Variants in PABPC4L observed in about 807,000 individuals in gnomAD.
PABPC4L encodes polyadenylate-binding protein 4-like.
For synonymous variants in PABPC4L, 169 were observed against 164.1 expected (o/e 1.03, Z -0.23); for missense variants, 452 against 451.4 (o/e 1.00, Z -0.01).
At chr4:133,977,719 C>T in the PABPC4L span, among the ~76,000 whole-genome samples, 1 of 151,966 alleles carries the variant, frequency 6.6e-6, no homozygotes, top group Non-Finnish European at 1.5e-5. Context: ...TGGTGTCACT[C>T]TTAAAAATTT....
chr4:134,080,212 C>T, the PABPC4L span, among the ~76,000 whole-genome samples: 1 of 151,998 alleles, frequency 6.6e-6, no homozygotes, highest in Non-Finnish European at 1.5e-5. Flanking sequence ...TTAGAAAACA[C>T]GATTTGATCC....
the PABPC4L span, among the ~76,000 whole-genome samples, chr4:134,188,254 A>AC: frequency 1.3e-5 from 2 of 152,268 alleles, no homozygotes; most frequent in African/African-American, 2.4e-5. Context: ...TGAAGTGGGT[A>AC]ATATCCATAA....
the PABPC4L span, among the ~76,000 whole-genome samples, chr4:134,035,078 G>T: frequency 6.6e-6 from 1 of 151,988 alleles, no homozygotes; most frequent in Non-Finnish European, 1.5e-5. Context: ...TCATCAGTCA[G>T]CAGTCATCAA....
the PABPC4L span, among the ~76,000 whole-genome samples, chr4:134,074,805 C>T: frequency 6.6e-6 from 1 of 152,088 alleles, no homozygotes; most frequent in Non-Finnish European, 1.5e-5. Context: ...CCTCATAAAA[C>T]TACCAGATCT....
At chr4:134,102,320 C>T in the PABPC4L span, among the ~76,000 whole-genome samples, 1 of 151,152 alleles carries the variant, frequency 6.6e-6, no homozygotes, top group African/African-American at 2.4e-5. Flanking sequence ...CTTAACTGAG[C>T]TCATAAAAGT....
At chr4:134,124,222 G>A in the PABPC4L span, among the ~76,000 whole-genome samples, 18 of 152,094 alleles carry the variant, frequency 1.2e-4, no homozygotes, top group Middle Eastern at 6.8e-3. Flanking sequence ...GAGGCCAAGG[G>A]ACAAAGCACT....
chr4:134,074,592 G>A, the PABPC4L span, among the ~76,000 whole-genome samples: 1 of 152,076 alleles, frequency 6.6e-6, no homozygotes, highest in Non-Finnish European at 1.5e-5. Flanking sequence ...ACTGCTCCTA[G>A]TACCAATTTA....
chr4:134,005,182 C>A, the PABPC4L span, among the ~76,000 whole-genome samples: 5 of 151,716 alleles, frequency 3.3e-5, no homozygotes, highest in African/African-American at 1.2e-4. Context: ...ACAATGTATA[C>A]ATGTATCAAA....
chr4:134,192,427 G>A (rs1013983791), downstream of PABPC4L, among the ~76,000 whole-genome samples: 3 of 151,988 alleles, frequency 2.0e-5, no homozygotes, highest in Non-Finnish European at 4.4e-5. Flanking sequence ...TTTGTTGTGA[G>A]GTGATGGAAA....
the PABPC4L span, among the ~76,000 whole-genome samples, chr4:134,184,190 G>A: frequency 1.3e-5 from 2 of 151,876 alleles, no homozygotes; most frequent in Non-Finnish European, 2.9e-5. Context: ...AGAACAAATA[G>A]GGGGATCTGA....
At chr4:134,036,147 G>GTAAATAGATAA in the PABPC4L span, among the ~76,000 whole-genome samples, 5 of 152,006 alleles carry the variant, frequency 3.3e-5, no homozygotes, top group Admixed American at 2.6e-4. Flanking sequence ...TGAATAAGCT[G>GTAAATAGATAA]TAAATAGATA....
At chr4:134,180,294 G>T in the PABPC4L span, among the ~76,000 whole-genome samples, 1 of 151,764 alleles carries the variant, frequency 6.6e-6, no homozygotes, top group East Asian at 1.9e-4. Flanking sequence ...TGACTTTTGG[G>T]TAAATAATGA....
chr4:134,016,706 C>T, the PABPC4L span, among the ~76,000 whole-genome samples: 1 of 152,258 alleles, frequency 6.6e-6, no homozygotes, highest in East Asian at 1.9e-4. Flanking sequence ...ATTTCATAAC[C>T]TCTTCCACGT....
the PABPC4L span, among the ~76,000 whole-genome samples, chr4:133,999,663 T>C: frequency 2.0e-5 from 3 of 152,034 alleles, no homozygotes; most frequent in African/African-American, 7.2e-5. Context: ...GAGCTTATTT[T>C]TAGTGCAGGA....
At chr4:133,986,092 G>C in the PABPC4L span, among the ~76,000 whole-genome samples, 1 of 151,904 alleles carries the variant, frequency 6.6e-6, no homozygotes, top group Admixed American at 6.6e-5. Flanking sequence ...TTCATTAATT[G>C]TATTACCATA....
the PABPC4L span, among the ~76,000 whole-genome samples, chr4:134,167,425 A>T: frequency 6.6e-6 from 1 of 151,668 alleles, no homozygotes; most frequent in East Asian, 1.9e-4. Context: ...TAATAATAAT[A>T]ATAAATAAAT....
At chr4:134,173,270 T>C in the PABPC4L span, among the ~76,000 whole-genome samples, 1 of 151,748 alleles carries the variant, frequency 6.6e-6, no homozygotes, top group Non-Finnish European at 1.5e-5. Flanking sequence ...CAAAGAGATA[T>C]TTGCACTGCC....
chr4:133,989,722 G>A, the PABPC4L span, among the ~76,000 whole-genome samples: 2 of 152,030 alleles, frequency 1.3e-5, no homozygotes, highest in Non-Finnish European at 2.9e-5. Flanking sequence ...CATATTTGGA[G>A]CTACTTTTAA....
At chr4:134,159,832 C>A in the PABPC4L span, among the ~76,000 whole-genome samples, 1 of 152,124 alleles carries the variant, frequency 6.6e-6, no homozygotes, top group East Asian at 1.9e-4. Flanking sequence ...CCTGCATCAC[C>A]CCTCCCCCAA....
Sources: allele counts gnomAD v4.1 joint callset (sites outside exome capture counted in the v4.1 genomes callset), GRCh38; gene constraint gnomAD v4.1.1; transcripts MANE v1.5; gene names NCBI Gene and HGNC (gene_info 2026-07-23, HGNC 2026-07-21).